NXN: variants seen among roughly 807,000 people sequenced by gnomAD.
NXN encodes the protein nucleoredoxin 1.
NXN carries 16 observed loss-of-function variants against 48.6 expected under a neutral mutation model. That is an observed-to-expected ratio of 0.33 (90% CI 0.22 to 0.50). The LOEUF is 0.50. NXN is among the 20% of genes least tolerant of loss of function. The pLI, the probability that NXN is intolerant of heterozygous loss-of-function variation, is 0.98. For missense variants in NXN, 492 were observed against 605.5 expected, an observed-to-expected ratio of 0.81 and a Z score of 1.97; for synonymous variants, 281 against 269.6, an observed-to-expected ratio of 1.04 and a Z score of -0.41.
intron 1 of NXN, among the ~76,000 whole-genome samples, chr17:859,297 C>T (rs1048223576): frequency 1.2e-4 from 18 of 152,138 alleles, no homozygotes; most frequent in Non-Finnish European, 2.6e-4. Context: ...AATAAAGAGT[C>T]GCTCTCTAAA....
chr17:978,916 C>T lies in NXN; in HGVS notation c.360+403G>A, dbSNP rs1230267990. ...GCAGGAAGGGCCTGGCGCCTCTGCT[C>T]GCGGGTGAAGGGGTCGCGGAACCGG... On this transcript the variant is annotated intron_variant, in intron 1 of 7. Coordinates refer to ENST00000336868, the MANE Select transcript of NXN (RefSeq NM_022463.5). This position sits in a 1 kb window ranked among gnomAD's most constrained non-coding sequence, Gnocchi z 4.1. 6.6e-6 allele frequency among the ~76,000 whole-genome samples: 1 copy of T among 150,948 alleles called. No individual in the cohort carries two copies. The highest frequency in any genetic ancestry group is 2.4e-5 in the African/African-American group (1 of 41,042).
intron 1 of NXN, among the ~76,000 whole-genome samples, chr17:875,320 C>T (rs2068202508): frequency 6.6e-6 from 1 of 152,160 alleles, no homozygotes; most frequent in Admixed American, 6.5e-5. Flanking sequence ...GCGTCAGCCA[C>T]CATGCCGGGT....
chr17:891,966 C>T (rs2068425351), intron 1 of NXN, among the ~76,000 whole-genome samples: 1 of 143,752 alleles, frequency 7.0e-6, no homozygotes, highest in African/African-American at 2.7e-5. Flanking sequence ...CCATGCACAA[C>T]CCAACAAGGA....
At chr17:955,997 C>T (rs950686567) in intron 1 of NXN, among the ~76,000 whole-genome samples, 6 of 152,158 alleles carry the variant, frequency 3.9e-5, no homozygotes, top group Non-Finnish European at 5.9e-5. Context: ...CGCCTCCTCC[C>T]TGAGCCTCAG....
At chr17:895,011 T>TAGAC in intron 1 of NXN, among the ~76,000 whole-genome samples, 1 of 47,032 alleles carries the variant, frequency 2.1e-5, no homozygotes, top group African/African-American at 4.9e-5. Context: ...TTTTTTTTTT[T>TAGAC]TTTTTTTTTT....
Position 800,984 on chromosome 17 carries a change from A to T in NXN, c.1273T>A (p.Phe425Ile). Residue 425 changes from phenylalanine (F) to isoleucine (I), a missense_variant, in exon 8 of 8, where the codon TTC becomes ATC. Physicochemically the swap from Phe to Ile is conservative, Grantham distance 21. Around this residue, in one of 3 missense-constraint regions of NXN, gnomAD observed 303 missense variants for 388.3 expected, o/e 0.78. Coordinates refer to ENST00000336868, the MANE Select transcript of NXN (RefSeq NM_022463.5). Reference sequence around the variant, plus strand: ...TCCGGTTTGAGCTTCTCTGCTAGGAAGTCATTCACAAAGGCCTCCACGATG... The same window carrying T: ...TCCGGTTTGAGCTTCTCTGCTAGGATGTCATTCACAAAGGCCTCCACGATG... ...PAIVEAFVND[F>I]LAEKLKPEPI 6.5e-7 allele frequency: 1 copy of T among 1,540,158 alleles called. No individual in the cohort carries two copies. The highest frequency in any genetic ancestry group is 8.8e-7 in the Non-Finnish European group (1 of 1,140,388).
At chr17:861,945 T>G (rs1047523751) in intron 1 of NXN, among the ~76,000 whole-genome samples, 2 of 152,070 alleles carry the variant, frequency 1.3e-5, no homozygotes, top group African/African-American at 4.8e-5. Context: ...TCCTCTCACC[T>G]CAGCCTCCCA....
At chr17:968,389 T>C (rs899717314) in intron 1 of NXN, among the ~76,000 whole-genome samples, 7 of 152,106 alleles carry the variant, frequency 4.6e-5, no homozygotes, top group Non-Finnish European at 1.0e-4. Context: ...AAAGAGATGA[T>C]CTAGAATTAC....
chr17:865,874 TCAGGAGGCTGAGG>T (rs2068090627), intron 1 of NXN, among the ~76,000 whole-genome samples: 1 of 152,148 alleles, frequency 6.6e-6, no homozygotes, highest in East Asian at 1.9e-4. Flanking sequence ...TCCCAGCTAC[TCAGGAGGCTGAGG>T]CAGGAGAATC....
intron 1 of NXN, among the ~76,000 whole-genome samples, chr17:927,806 T>C (rs2068816471): frequency 6.6e-6 from 1 of 151,956 alleles, no homozygotes; most frequent in Non-Finnish European, 1.5e-5. Flanking sequence ...GTGAAGCCCA[T>C]TTCAAAAGAA....
chr17:834,252 G>T (rs1396597607), intron 1 of NXN, among the ~76,000 whole-genome samples: 1 of 152,178 alleles, frequency 6.6e-6, no homozygotes, highest in Non-Finnish European at 1.5e-5. Flanking sequence ...AGCATGGGAG[G>T]TCAAGGCTAC....
intron 1 of NXN, among the ~76,000 whole-genome samples, chr17:922,439 C>T (rs2068758520): frequency 1.3e-5 from 2 of 151,772 alleles, no homozygotes; most frequent in East Asian, 2.0e-4. Flanking sequence ...AGCAAAACTC[C>T]GTCTCAAAAA....
At chr17:826,997 G>C (rs1416189689) in intron 1 of NXN, among the ~76,000 whole-genome samples, 1 of 152,236 alleles carries the variant, frequency 6.6e-6, no homozygotes, top group East Asian at 1.9e-4. Context: ...CGGGGTGAAC[G>C]CCATATGGGC....
At chr17:968,565 T>C (rs142667847) in intron 1 of NXN, among the ~76,000 whole-genome samples, 1 of 151,846 alleles carries the variant, frequency 6.6e-6, no homozygotes, top group East Asian at 2.0e-4. Context: ...GCAAGAGCTC[T>C]CTCACACAAA....
rs1567810448 is a variant in NXN, at chr17:809,953, CTGTGTGAGTGG to C, written c.821-4717_821-4707del. On this transcript the variant is annotated intron_variant, in intron 5 of 7. Coordinates refer to ENST00000336868, the MANE Select transcript of NXN (RefSeq NM_022463.5). ...TGTGAGTGGCGTGTACGTTACGAGT[CTGTGTGAGTGG>C]CGTGTACGTTACGAGTCTGTGAGTG... Among the ~76,000 whole-genome samples, 66 of 115,642 alleles carry C rather than the reference CTGTGTGAGTGG, an allele frequency of 5.7e-4. 4 individuals are homozygous for C. Among genetic ancestry groups the C allele is most frequent in the African/African-American group, 1.9e-3 (61 of 32,754 alleles). The allele number at this position is 115,642 out of a possible 152,430, so 75.9% of individuals were successfully genotyped here.
At chr17:940,267 C>T (rs1240684475) in intron 1 of NXN, among the ~76,000 whole-genome samples, 1 of 151,750 alleles carries the variant, frequency 6.6e-6, no homozygotes, top group Non-Finnish European at 1.5e-5. Flanking sequence ...TCTTTCTCCC[C>T]CTTTTTGTGG....
intron 1 of NXN, among the ~76,000 whole-genome samples, chr17:951,895 G>A (rs888449138): frequency 1.3e-5 from 2 of 152,172 alleles, no homozygotes; most frequent in Non-Finnish European, 2.9e-5. Context: ...GGGAAGGGGA[G>A]CTCAGCCTCC....
intron 1 of NXN, among the ~76,000 whole-genome samples, chr17:936,504 C>T (rs1428023132): frequency 6.6e-6 from 1 of 151,638 alleles, no homozygotes; most frequent in Middle Eastern, 3.2e-3. Flanking sequence ...TTCTCTCCTT[C>T]CACACCTTCC....
At chr17:812,917 GGT>G (rs201692293) in intron 5 of NXN, among the ~76,000 whole-genome samples, 1 of 147,182 alleles carries the variant, frequency 6.8e-6, no homozygotes, top group Non-Finnish European at 1.5e-5. Flanking sequence ...TGTGACTGTA[GGT>G]GTGTGCGTGT....
Sources: allele counts gnomAD v4.1 joint callset (sites outside exome capture counted in the v4.1 genomes callset), GRCh38; gene constraint gnomAD v4.1.1; regional missense constraint gnomAD v4.1.1; non-coding constraint Gnocchi (gnomAD v3.1); transcripts MANE v1.5; gene names NCBI Gene and HGNC (gene_info 2026-07-23, HGNC 2026-07-21).